LRRTM3: variants seen among roughly 807,000 people sequenced by gnomAD.
LRRTM3 encodes the protein leucine rich repeat transmembrane neuronal 3.
In LRRTM3, 24 loss-of-function variants were observed where a neutral mutation model predicts 44.7. The ratio of observed to expected loss-of-function variants is 0.54; its 90% confidence interval spans 0.39 to 0.76. The LOEUF (loss-of-function observed/expected upper bound fraction) is 0.76. Ranked by LOEUF, LRRTM3 falls within the 30% of genes least tolerant of loss-of-function variation. LRRTM3 has a pLI of 0.00. For synonymous variants in LRRTM3, 277 were observed against 278.7 expected (o/e 0.99, Z 0.06); for missense variants, 587 against 702.2 (o/e 0.84, Z 1.85).
At chr10:67,070,450 G>A (rs982184936) in intron 2 of LRRTM3, among the ~76,000 whole-genome samples, 9 of 151,894 alleles carry the variant, frequency 5.9e-5, no homozygotes, top group Non-Finnish European at 1.2e-4. Flanking sequence ...TTTGTGTCCC[G>A]ATTAAGAAAT....
intron 2 of LRRTM3, among the ~76,000 whole-genome samples, chr10:67,094,060 A>T (rs926665271): frequency 1.3e-5 from 2 of 151,924 alleles, no homozygotes; most frequent in African/African-American, 4.8e-5. Context: ...CTAATACCCT[A>T]AGCTGAGAAA....
intron 2 of LRRTM3, among the ~76,000 whole-genome samples, chr10:67,092,163 G>C (rs1482064168): frequency 6.6e-6 from 1 of 151,852 alleles, no homozygotes; most frequent in Non-Finnish European, 1.5e-5. Flanking sequence ...GATCAAAAAT[G>C]ATATTTACAA....
chr10:67,052,053 C>A (rs926617569), intron 2 of LRRTM3, among the ~76,000 whole-genome samples: 68 of 152,144 alleles, frequency 4.5e-4, no homozygotes, highest in African/African-American at 1.6e-3. Flanking sequence ...CCACGCCTGG[C>A]CTAACCTACA....
At chr10:66,979,379 A>G (rs760858483) in intron 2 of LRRTM3, among the ~76,000 whole-genome samples, 1 of 152,194 alleles carries the variant, frequency 6.6e-6, no homozygotes, top group Non-Finnish European at 1.5e-5. Flanking sequence ...TCACAGTATT[A>G]GAACACACCT....
chr10:66,999,576 T>C (rs1477613334), intron 2 of LRRTM3, among the ~76,000 whole-genome samples: 1 of 152,006 alleles, frequency 6.6e-6, no homozygotes, highest in African/African-American at 2.4e-5. Context: ...TGCATCCCTT[T>C]TAGGTCACAA....
At chr10:67,035,396 A>G (rs1217950227) in intron 2 of LRRTM3, among the ~76,000 whole-genome samples, 1 of 152,188 alleles carries the variant, frequency 6.6e-6, no homozygotes, top group Non-Finnish European at 1.5e-5. Context: ...ATGACTTTAT[A>G]TTTATATGCG....
chr10:66,926,725 C>T (rs1048600724), intron 1 of LRRTM3, 138 bp downstream of exon 1: 7 of 1,104,226 alleles, frequency 6.3e-6, no homozygotes, highest in African/African-American at 4.8e-5. Flanking sequence ...TGCTTAGTGG[C>T]ATGTTTCCTT....
rs1417092796 is a variant in LRRTM3, at chr10:67,101,381, T to A, written c.*3585T>A. Among the ~76,000 whole-genome samples, 1 of 151,798 alleles carries A rather than the reference T, an allele frequency of 6.6e-6. No homozygotes were observed. Among genetic ancestry groups the A allele is most frequent in the East Asian group, 1.9e-4 (1 of 5,186 alleles). On this transcript the variant is annotated 3_prime_UTR_variant, in exon 3 of 3. Transcript: ENST00000361320. ...CTTACATAAAATTCTTTTTCTTTTT[T>A]TCTTTTGGCAAGATTTCTTCTTAAA...
At chr10:66,937,353 A>T (rs964489545) in intron 2 of LRRTM3, among the ~76,000 whole-genome samples, 7 of 152,176 alleles carry the variant, frequency 4.6e-5, no homozygotes, top group Admixed American at 3.9e-4. Flanking sequence ...TTTCATATAT[A>T]ATCTAATACT....
Position 66,927,307 on chromosome 10 carries a change from C to T in LRRTM3, c.391C>T (p.Pro131Ser), listed in dbSNP as rs931079500. The T allele has an allele frequency of 1.2e-6, 2 of 1,614,014 alleles. No homozygotes were observed. The highest frequency in any genetic ancestry group is 1.3e-5 in the African/African-American group (1 of 74,914). ...ISYFLNNTFRPVTNLRNLDLS... is the reference protein window; with the variant it reads ...ISYFLNNTFRSVTNLRNLDLS... ...CTATTTTCTTAACAATACCTTCAGACCTGTGACAAATTTACGGAACTTGGA... is the reference window on the plus strand; with the variant it reads ...CTATTTTCTTAACAATACCTTCAGATCTGTGACAAATTTACGGAACTTGGA... Residue 131 changes from proline to serine, a missense_variant, in exon 2 of 3, where the codon CCT becomes TCT. Transcript: ENST00000361320. This position sits in a 1 kb window ranked among gnomAD's most constrained non-coding sequence, Gnocchi z 4.7.
intron 2 of LRRTM3, among the ~76,000 whole-genome samples, chr10:67,068,389 G>T (rs980392266): frequency 2.0e-5 from 3 of 152,188 alleles, no homozygotes; most frequent in Non-Finnish European, 4.4e-5. Flanking sequence ...CATGTGTTAC[G>T]TTGGGGGACA....
intron 2 of LRRTM3, among the ~76,000 whole-genome samples, chr10:67,036,782 G>T (rs1269896664): frequency 6.6e-6 from 1 of 152,064 alleles, no homozygotes; most frequent in African/African-American, 2.4e-5. Flanking sequence ...AGTGAGCAGA[G>T]ACAAAAGTTT....
chr10:67,068,510 G>C (rs1856232887), intron 2 of LRRTM3, among the ~76,000 whole-genome samples: 1 of 152,150 alleles, frequency 6.6e-6, no homozygotes, highest in Non-Finnish European at 1.5e-5. Flanking sequence ...AGTGAGTGAG[G>C]TCTTAAAGTG....
chr10:66,926,976 C>A lies in LRRTM3; in HGVS notation c.60C>A (p.Pro20=). 2 of 1,614,048 alleles carry A rather than the reference C, an allele frequency of 1.2e-6. No individual in the cohort carries two copies. The highest frequency in any genetic ancestry group is 1.7e-6 in the Non-Finnish European group (2 of 1,179,984). The part of the protein sequence containing the change: ...SGSAVALVIA[P]TVLLTMLSSA... ...CAGCTGTAGCACTGGTTATAGCCCCCACTGTCTTACTGACAATGCTTTCTT... is the reference window on the plus strand; with the variant it reads ...CAGCTGTAGCACTGGTTATAGCCCCAACTGTCTTACTGACAATGCTTTCTT... The change falls in exon 2 of 3, where the codon CCC becomes CCA. Residue 20 remains proline, a synonymous_variant. Transcript: ENST00000361320.
chr10:67,071,572 G>T (rs527819943), intron 2 of LRRTM3, among the ~76,000 whole-genome samples: 150 of 151,638 alleles, frequency 9.9e-4, no homozygotes, highest in African/African-American at 3.5e-3. Flanking sequence ...CAGTTTTACT[G>T]AAATGTCCCT....
chr10:67,018,592 G>A (rs1466996273), intron 2 of LRRTM3, among the ~76,000 whole-genome samples: 1 of 152,212 alleles, frequency 6.6e-6, no homozygotes, highest in African/African-American at 2.4e-5. Context: ...TTGTTACCTA[G>A]TGATTAAGTC....
At chr10:67,021,239 A>C (rs572976264) in intron 2 of LRRTM3, among the ~76,000 whole-genome samples, 2 of 152,212 alleles carry the variant, frequency 1.3e-5, no homozygotes, top group African/African-American at 4.8e-5. Flanking sequence ...CAACTTTGTC[A>C]ATTATTAAGC....
At chr10:67,058,667 G>A (rs1269751789) in intron 2 of LRRTM3, among the ~76,000 whole-genome samples, 2 of 152,070 alleles carry the variant, frequency 1.3e-5, no homozygotes, top group African/African-American at 2.4e-5. Context: ...GGAACATGCT[G>A]ATGTAGAAAC....
chr10:67,027,169 G>A (rs1156946815), intron 2 of LRRTM3, among the ~76,000 whole-genome samples: 1 of 152,132 alleles, frequency 6.6e-6, no homozygotes, highest in Non-Finnish European at 1.5e-5. Flanking sequence ...AGACAGAAGA[G>A]GGAAAGGAGC....
Sources: gnomAD v4.1 joint callset for allele counts (sites outside exome capture counted in the v4.1 genomes callset) on GRCh38, gnomAD v4.1.1 for gene constraint, Gnocchi (gnomAD v3.1) non-coding constraint, MANE v1.5 for transcripts, NCBI Gene and HGNC (gene_info 2026-07-23, HGNC 2026-07-21) for gene names.